The following WDR17 variants were observed in gnomAD, a reference collection of about 807,000 sequenced individuals.
WDR17 encodes WD repeat-containing protein 17.
A neutral mutation model predicts 161.7 loss-of-function variants in WDR17; 143 were observed. The observed-to-expected ratio is 0.88, with a 90% CI of 0.77 to 1.02. The LOEUF is 1.02. WDR17 is among the 50% of genes least tolerant of loss of function. WDR17 has a pLI of 0.00. For missense variants in WDR17, 1,469 were observed against 1,520.9 expected (o/e 0.97, Z 0.57); for synonymous variants, 517 against 515.6 (o/e 1.00, Z -0.04).
intron 7 of WDR17, 58 bp downstream of exon 7, chr4:176,131,796 CTTT>C: frequency 3.9e-6 from 5 of 1,272,704 alleles, no homozygotes; most frequent in Non-Finnish European, 5.2e-6. Context: ...AACCCATGAT[CTTT>C]ACTTTTACCT....
rs201540208 is a variant in WDR17, at chr4:176,168,604, G to A, written c.2991-68G>A. 1.8e-4 allele frequency: 288 copies of A among 1,586,480 alleles called. 2 individuals carry two copies. Among genetic ancestry groups the A allele is most frequent in the Middle Eastern group, 1.2e-3 (7 of 5,942 alleles). On this transcript the variant is annotated intron_variant, in intron 22 of 28. Transcript: ENST00000508596. ...TATATTATATGAATTGCCCTTCTTT[G>A]AGATAGTTATGAATGTTATTTTTAA...
At chr4:176,172,584 G>T (rs1750890953) in intron 24 of WDR17, 68 bp downstream of exon 24, 3 of 1,352,306 alleles carry the variant, frequency 2.2e-6, no homozygotes, top group Non-Finnish European at 3.0e-6. Flanking sequence ...TCATACTGAT[G>T]ATTGTTTTAA....
intron 1 of WDR17, among the ~76,000 whole-genome samples, chr4:176,098,950 G>C (rs1737354314): frequency 6.6e-6 from 1 of 151,630 alleles, no homozygotes; most frequent in South Asian, 2.1e-4. Flanking sequence ...TAAGAACAAA[G>C]GTACACCAAA....
Position 176,131,706 on chromosome 4 carries a change from G to A in WDR17, c.1066G>A (p.Gly356Arg). 6.2e-7 allele frequency: 1 copy of A among 1,611,560 alleles called. No homozygotes were observed. Among genetic ancestry groups the A allele is most frequent in the Non-Finnish European group, 8.5e-7 (1 of 1,178,992 alleles). Residue 356 changes from glycine to arginine, a missense_variant, in exon 7 of 29, where the codon GGA becomes AGA. By Grantham distance (125) the Gly-to-Arg change is moderately radical. Transcript: ENST00000508596. ...TGGTGGAGTTGGACTTTATGATATGGGAGCTAAGAAGTGGGATTTTCTTAG... is the reference window on the plus strand; with the variant it reads ...TGGTGGAGTTGGACTTTATGATATGAGAGCTAAGAAGTGGGATTTTCTTAG... Reference protein sequence around the residue: ...LDGGVGLYDMGAKKWDFLRDL... With the variant: ...LDGGVGLYDMRAKKWDFLRDL...
Position 176,177,111 on chromosome 4 carries a change from C to T in WDR17, c.3503C>T (p.Ser1168Phe). Residue 1168 changes from serine (S) to phenylalanine (F), a missense_variant, in exon 27 of 29, where the codon TCT (serine) becomes TTT (phenylalanine). By Grantham distance (155) the Ser-to-Phe change is radical (BLOSUM62 -2). Transcript: ENST00000508596. ...GTACCTTTAAAAATTGAATATCTTT[C>T]TGAGGAATTGGATGCATGGAGAGCT... is the stretch of plus-strand genomic sequence containing the variant. ...VSVPLKIEYL[S>F]EELDAWRACT... The T allele has an allele frequency of 6.2e-7, 1 of 1,613,744 alleles. No individual in the cohort carries two copies. The highest frequency in any genetic ancestry group is 1.3e-5 in the African/African-American group (1 of 74,982).
chr4:176,118,169 G>T (rs1740935264), intron 3 of WDR17, among the ~76,000 whole-genome samples: 1 of 152,048 alleles, frequency 6.6e-6, no homozygotes, highest in Non-Finnish European at 1.5e-5. Flanking sequence ...GAATAGTGTT[G>T]GGAGAATTAA....
chr4:176,129,288 T>C (rs1579127850), intron 6 of WDR17, among the ~76,000 whole-genome samples: 1 of 152,124 alleles, frequency 6.6e-6, no homozygotes, highest in Admixed American at 6.5e-5. Context: ...TTATAGGATC[T>C]AGAATACATA....
intron 7 of WDR17, 23 bp downstream of exon 7, chr4:176,131,761 AT>A: frequency 6.6e-7 from 1 of 1,515,164 alleles, no homozygotes; most frequent in Non-Finnish European, 8.8e-7. Flanking sequence ...TCATTCCTTT[AT>A]TATACATAAT....
At chr4:176,078,144 A>C (rs1262479463) in intron 1 of WDR17, among the ~76,000 whole-genome samples, 2 of 152,052 alleles carry the variant, frequency 1.3e-5, no homozygotes, top group Non-Finnish European at 2.9e-5. Flanking sequence ...AGAATATTCC[A>C]TTATATGGAT....
rs9991389 is a variant in WDR17, at chr4:176,122,473, C to A, written c.538+2376C>A. Reference sequence around the variant, plus strand: ...TAGGATTTATTTAGCAATTAATGTGCACAAAACATTATAAAAGATACAGTC... The same window carrying A: ...TAGGATTTATTTAGCAATTAATGTGAACAAAACATTATAAAAGATACAGTC... On this transcript the variant is annotated intron_variant, in intron 4 of 28. Transcript: ENST00000508596. Among the ~76,000 whole-genome samples the A allele has an allele frequency of 8.5e-3, 1,295 of 152,254 alleles. 28 individuals are homozygous for A. The highest frequency in any genetic ancestry group is 0.029 in the African/African-American group (1,199 of 41,542).
At chr4:176,077,509 G>T (rs567338863) in intron 1 of WDR17, among the ~76,000 whole-genome samples, 5 of 152,114 alleles carry the variant, frequency 3.3e-5, no homozygotes, top group Admixed American at 3.3e-4. Context: ...GTACCTTAGT[G>T]TTTAGAGGAA....
rs903598235 is a variant in WDR17, at chr4:176,182,502, A to T, written c.*2923A>T. 19 of 151,712 alleles carry T rather than the reference A, an allele frequency of 1.3e-4. No homozygotes were observed. Among genetic ancestry groups the T allele is most frequent in the African/African-American group, 4.6e-4 (19 of 41,364 alleles). The allele number at this position is 151,712 out of a possible 1,614,324, so 9.4% of individuals were successfully genotyped here. ...GCAATGACTGTATTTTGTTGTCCTTATAACATTTATATTATTTCAGTTTTA... is the reference window on the plus strand; with the variant it reads ...GCAATGACTGTATTTTGTTGTCCTTTTAACATTTATATTATTTCAGTTTTA... On this transcript the variant is annotated 3_prime_UTR_variant, in exon 29 of 29. Transcript: ENST00000508596. The surrounding 1 kb of genome is among the most constrained non-coding windows in gnomAD (Gnocchi z 4.2).
Position 176,168,571 on chromosome 4 carries a change from A to C in WDR17, c.2991-101A>C, listed in dbSNP as rs1006860020. On this transcript the variant is annotated intron_variant, in intron 22 of 28. Transcript: ENST00000508596. ...ATACTGTTTGTGTAAATTAAAAAGC[A>C]AGAGTGGTATATTATATGAATTGCC... The C allele has an allele frequency of 8.7e-6, 12 of 1,372,420 alleles. No individual in the cohort carries two copies. The African/African-American group carries it at 1.5e-4, about 17-fold the overall frequency. 85.0% of individuals were successfully genotyped at this position (1,372,420 alleles called of 1,614,324 possible).
intron 28 of WDR17, 72 bp from the exon 29 acceptor site, chr4:176,179,388 C>T: frequency 6.7e-6 from 9 of 1,339,720 alleles, no homozygotes; most frequent in African/African-American, 1.5e-5. Flanking sequence ...CAGTGATTCT[C>T]TTTCTGAAAG....
chr4:176,150,169 T>A lies in WDR17; in HGVS notation c.2174T>A (p.Leu725Ter). The A allele has an allele frequency of 6.2e-7, 1 of 1,612,226 alleles. No individual in the cohort carries two copies. The highest frequency in any genetic ancestry group is 1.1e-5 in the South Asian group (1 of 90,740). ...AAACTAAGATGGTTCTCAGAATGTT[T>A]ATCTGTAAGTATTACAGGAATTAAA... ...VKKLRWFSEC[L>*]SPPGGSDNLW... Residue 725 changes from leucine to a stop codon, truncating the protein, a stop_gained, in exon 15 of 29, where the codon TTA becomes TAA. Transcript: ENST00000508596. LOFTEE classifies it high-confidence loss of function.
At chr4:176,074,446 C>T (rs67620705) in intron 1 of WDR17, among the ~76,000 whole-genome samples, 78,828 of 150,874 alleles carry the variant, frequency 0.52, 21,984 homozygotes, top group South Asian at 0.63. Context: ...ATTTACTTAT[C>T]TGTTTTGCTA....
chr4:176,159,020 A>T (rs1748590131), intron 18 of WDR17, among the ~76,000 whole-genome samples: 1 of 152,216 alleles, frequency 6.6e-6, no homozygotes, highest in Admixed American at 6.5e-5. Flanking sequence ...CGATGACTCT[A>T]TGAAATTGGA....
chr4:176,128,600 G>C (rs1041422309), intron 5 of WDR17, 138 bp from the exon 6 acceptor site: 5 of 808,274 alleles, frequency 6.2e-6, no homozygotes, highest in East Asian at 2.9e-5. Context: ...TTGTATTACT[G>C]TATGGTATTG....
Position 176,150,133 on chromosome 4 carries a change from C to T in WDR17, c.2138C>T (p.Ser713Phe). ...GAAATAGAAAAACTAACTGCTAATT[C>T]TCAAGTGAAAAAACTAAGATGGTTC... Reference protein sequence around the residue: ...RQEIEKLTANSQVKKLRWFSE... With the variant: ...RQEIEKLTANFQVKKLRWFSE... Residue 713 changes from serine (S) to phenylalanine (F), a missense_variant, in exon 15 of 29, where the codon TCT becomes TTT. Ser to Phe is a radical substitution (Grantham distance 155). Transcript: ENST00000508596. 1 of 1,613,718 alleles carries T rather than the reference C, an allele frequency of 6.2e-7. No individual in the cohort carries two copies. Among genetic ancestry groups the T allele is most frequent in the Non-Finnish European group, 8.5e-7 (1 of 1,179,920 alleles).
Sources: allele counts gnomAD v4.1 joint callset (sites outside exome capture counted in the v4.1 genomes callset), GRCh38; gene constraint gnomAD v4.1.1; non-coding constraint Gnocchi (gnomAD v3.1); transcripts MANE v1.5; gene names NCBI Gene and HGNC (gene_info 2026-07-23, HGNC 2026-07-21).